The following FAM107B variants were observed in gnomAD, a reference collection of about 807,000 sequenced individuals.
FAM107B encodes the protein family with sequence similarity 107 member B.
Under a neutral mutation model 31.5 loss-of-function variants are expected in FAM107B, and 21 were observed. The ratio of observed to expected loss-of-function variants is 0.67; its 90% CI spans 0.47 to 0.96. The LOEUF (loss-of-function observed/expected upper bound fraction) is 0.96. FAM107B is among the 40% of genes least tolerant of loss of function. The pLI is 0.00. For synonymous variants in FAM107B, 157 were observed against 141.5 expected, an observed-to-expected ratio of 1.11 and a Z score of -0.78; for missense variants, 452 against 377.1, an observed-to-expected ratio of 1.20 and a Z score of -1.64.
At chr10:14,572,016 G>A in intron 2 of FAM107B, 2 of 985,392 alleles carry the variant, frequency 2.0e-6, no homozygotes, top group Non-Finnish European at 2.4e-6. Context: ...GTTCCTTAGA[G>A]CGGTGAAGAA....
intron 2 of FAM107B, among the ~76,000 whole-genome samples, chr10:14,570,218 C>CA (rs1231619457): frequency 2.8e-5 from 4 of 142,806 alleles, no homozygotes; most frequent in East Asian, 2.1e-4. Context: ...ACGTACCTAC[C>CA]AAAAAAATGT....
chr10:14,730,524 G>C (rs1856149614), intron 1 of FAM107B, among the ~76,000 whole-genome samples: 1 of 152,244 alleles, frequency 6.6e-6, no homozygotes. Context: ...CAGCGGAGCT[G>C]AGAGAATGCA....
chr10:14,549,234 C>G (rs535895114), intron 2 of FAM107B, among the ~76,000 whole-genome samples: 1 of 152,326 alleles, frequency 6.6e-6, no homozygotes, highest in South Asian at 2.1e-4. Context: ...AAGACACATA[C>G]AAGAGTCAAC....
chr10:14,666,444 C>T (rs886995705), intron 2 of FAM107B, among the ~76,000 whole-genome samples: 2 of 152,064 alleles, frequency 1.3e-5, no homozygotes, highest in African/African-American at 4.8e-5. Flanking sequence ...AGGGTAACTG[C>T]CCCCATGATT....
chr10:14,563,543 G>A (rs948711184), intron 2 of FAM107B, among the ~76,000 whole-genome samples: 2 of 151,050 alleles, frequency 1.3e-5, no homozygotes, highest in African/African-American at 4.8e-5. Context: ...TTCCTCTATC[G>A]TCCTATTCAA....
chr10:14,637,885 T>C (rs1270675592), intron 2 of FAM107B, among the ~76,000 whole-genome samples: 1 of 152,042 alleles, frequency 6.6e-6, no homozygotes, highest in Non-Finnish European at 1.5e-5. Context: ...CCAACAAGAG[T>C]GGATTCCTCT....
intron 2 of FAM107B, among the ~76,000 whole-genome samples, chr10:14,564,729 G>A (rs1290484209): frequency 6.6e-6 from 1 of 152,064 alleles, no homozygotes; most frequent in Admixed American, 6.5e-5. Flanking sequence ...ACAGAAATAA[G>A]GAAACACCCA....
chr10:14,528,172 TG>T (rs1187510676), intron 3 of FAM107B: 27 of 141,334 alleles, frequency 1.9e-4, no homozygotes, highest in African/African-American at 3.1e-4. Flanking sequence ...CTTTAAGTTT[TG>T]GTTTTTTTTT....
intron 2 of FAM107B, among the ~76,000 whole-genome samples, chr10:14,572,948 TTATTAC>T (rs1171683123): frequency 1.3e-5 from 2 of 151,846 alleles, no homozygotes; most frequent in Non-Finnish European, 2.9e-5. Context: ...TTCTAGATTG[TTATTAC>T]TATATTATTA....
chr10:14,693,533 G>T (rs930176589), intron 1 of FAM107B, among the ~76,000 whole-genome samples: 29 of 148,558 alleles, frequency 2.0e-4, no homozygotes, highest in African/African-American at 6.3e-4. Flanking sequence ...ATAGTAAAAT[G>T]GTTATTAGAG....
intron 2 of FAM107B, among the ~76,000 whole-genome samples, chr10:14,630,977 C>T (rs965626838): frequency 1.3e-5 from 2 of 151,876 alleles, no homozygotes; most frequent in African/African-American, 4.8e-5. Context: ...AAATGGTTTA[C>T]CTAATGGACT....
intron 2 of FAM107B, among the ~76,000 whole-genome samples, chr10:14,644,700 G>A (rs1042239586): frequency 1.3e-5 from 2 of 152,156 alleles, no homozygotes; most frequent in Non-Finnish European, 2.9e-5. Flanking sequence ...TTAATGGCAG[G>A]TCCAAATAAA....
At chr10:14,626,078 A>T (rs1853154491) in intron 2 of FAM107B, among the ~76,000 whole-genome samples, 1 of 152,072 alleles carries the variant, frequency 6.6e-6, no homozygotes, top group Non-Finnish European at 1.5e-5. Flanking sequence ...CTCTTTTAAG[A>T]CCGTGGTTGT....
At chr10:14,726,742 C>G (rs773827379) in intron 1 of FAM107B, among the ~76,000 whole-genome samples, 1 of 152,132 alleles carries the variant, frequency 6.6e-6, no homozygotes, top group South Asian at 2.1e-4. Flanking sequence ...GCCTTCCCCC[C>G]TAAAGAGTCC....
At chr10:14,671,708 T>C (rs1405320442) in intron 1 of FAM107B, among the ~76,000 whole-genome samples, 5 of 152,046 alleles carry the variant, frequency 3.3e-5, no homozygotes, top group African/African-American at 7.2e-5. Flanking sequence ...CACCTTGTTA[T>C]CACGTGCGGC....
intron 2 of FAM107B, among the ~76,000 whole-genome samples, chr10:14,651,742 G>T (rs2131447634): frequency 6.6e-6 from 1 of 152,324 alleles, no homozygotes; most frequent in Non-Finnish European, 1.5e-5. Context: ...CTCAAGGCTA[G>T]GTGGGATTTT....
intron 2 of FAM107B, among the ~76,000 whole-genome samples, chr10:14,622,389 C>A (rs11597582): frequency 0.47 from 71,106 of 149,812 alleles, 18,190 homozygotes; most frequent in Middle Eastern, 0.63. Context: ...CTCACTGCAA[C>A]CTCTGCCTCC....
chr10:14,723,678 G>T, intron 1 of FAM107B: 10 of 748,990 alleles, frequency 1.3e-5, no homozygotes, highest in South Asian at 9.5e-5. Flanking sequence ...CAGCTCTGGG[G>T]TCAGTAACCA....
intron 2 of FAM107B, among the ~76,000 whole-genome samples, chr10:14,634,029 T>C (rs538062110): frequency 6.6e-6 from 1 of 152,252 alleles, no homozygotes; most frequent in South Asian, 2.1e-4. Flanking sequence ...TAAAGTAGAT[T>C]GTGATGTTTT....
Sources: gnomAD v4.1 joint callset for allele counts (sites outside exome capture counted in the v4.1 genomes callset) on GRCh38, gnomAD v4.1.1 for gene constraint, MANE v1.5 for transcripts, NCBI Gene and HGNC (gene_info 2026-07-23, HGNC 2026-07-21) for gene names.